The following EPS15L1 variants were observed in gnomAD, a reference collection of about 807,000 sequenced individuals.
EPS15L1 encodes epidermal growth factor receptor pathway substrate 15 like 1, also known as epidermal growth factor receptor substrate 15-like 1.
EPS15L1 carries 43 observed loss-of-function variants against 117.1 expected under a neutral mutation model. The observed-to-expected ratio is 0.37, with a 90% confidence interval of 0.29 to 0.47. The LOEUF is 0.47. Among genes scored for constraint, EPS15L1 ranks in the 20% least tolerant of loss-of-function variants. The probability of loss-of-function intolerance (pLI) is 0.99; values close to 1 mark genes in which losing one functional copy is unlikely to be tolerated. For synonymous variants in EPS15L1, 459 were observed against 470.5 expected (o/e 0.98, Z 0.32); for missense variants, 981 against 1,164.0 (o/e 0.84, Z 2.29).
rs529761129 is a variant in EPS15L1, at chr19:16,471,534, G to A, written c.33+379C>T. 1.7e-4 allele frequency among the ~76,000 whole-genome samples: 26 copies of A among 152,302 alleles called. No homozygotes were observed. In the East Asian group the frequency reaches 3.3e-3, roughly 19 times the overall value. On this transcript the variant is annotated intron_variant, in intron 1 of 23. Coordinates refer to ENST00000455140, the MANE Select transcript of EPS15L1 (RefSeq NM_001258374.3). The surrounding 1 kb of genome is among the most constrained non-coding windows in gnomAD (Gnocchi z 4.8). ...CCCGCCCGGGCGCCGGGACCGGAGG[G>A]AGACAAAGACTCGCTGGGCCGCCGC... is the stretch of plus-strand genomic sequence containing the variant.
At chr19:16,377,314 T>A in intron 21 of EPS15L1, 60 bp from the exon 22 acceptor site, 1 of 1,592,746 alleles carries the variant, frequency 6.3e-7, no homozygotes, top group Non-Finnish European at 8.6e-7. Context: ...GTGACGGATG[T>A]CCACTGAACA....
chr19:16,418,171 G>A (rs542938888), intron 10 of EPS15L1, 67 bp from the exon 11 acceptor site: 61 of 1,519,064 alleles, frequency 4.0e-5, no homozygotes, highest in South Asian at 2.0e-4. Context: ...CCAAGTCACC[G>A]ATCCCTTGCT....
intron 22 of EPS15L1, among the ~76,000 whole-genome samples, chr19:16,364,295 C>T (rs992566588): frequency 4.6e-5 from 7 of 152,222 alleles, no homozygotes; most frequent in African/African-American, 1.7e-4. Context: ...GCTGGAGACC[C>T]TTCCCTAGAG....
Position 16,404,849 on chromosome 19 carries a change from G to A in EPS15L1, c.1267-100C>T, listed in dbSNP as rs1379659665. 11 of 1,314,232 alleles carry A rather than the reference G, an allele frequency of 8.4e-6. No homozygotes were observed. Among genetic ancestry groups the A allele is most frequent in the South Asian group, 2.7e-5 (2 of 74,348 alleles). 81.4% of individuals were successfully genotyped at this position (1,314,232 alleles called of 1,614,324 possible). ...GGCCAGAAGTCCAGGGGAAGCCTCCGAAACCACCCACTGTGACCGTGCTCA... is the reference window on the plus strand; with the variant it reads ...GGCCAGAAGTCCAGGGGAAGCCTCCAAAACCACCCACTGTGACCGTGCTCA... On this transcript the variant is annotated intron_variant, in intron 13 of 23. Transcript: ENST00000455140. This position sits in a 1 kb window ranked among gnomAD's most constrained non-coding sequence, Gnocchi z 4.2.
intron 22 of EPS15L1, among the ~76,000 whole-genome samples, chr19:16,376,669 C>T (rs766357805): frequency 2.6e-5 from 4 of 152,250 alleles, no homozygotes; most frequent in African/African-American, 4.8e-5. Context: ...AGCAGCGACT[C>T]CTGCCACCCT....
intron 22 of EPS15L1, among the ~76,000 whole-genome samples, chr19:16,372,923 G>A (rs896022624): frequency 4.6e-5 from 7 of 152,210 alleles, no homozygotes; most frequent in Admixed American, 2.0e-4. Flanking sequence ...AGAAGGAAGC[G>A]GCCTCAGTTC....
At chr19:16,396,332 G>A (rs1406095425) in intron 16 of EPS15L1, among the ~76,000 whole-genome samples, 2 of 152,146 alleles carry the variant, frequency 1.3e-5, no homozygotes, top group South Asian at 4.1e-4. Context: ...CACACTCATG[G>A]GTTACTCCAG....
chr19:16,366,810 G>A lies in EPS15L1; in HGVS notation c.2381-4826C>T, dbSNP rs748803125. Among the ~76,000 whole-genome samples the A allele has an allele frequency of 5.9e-5, 9 of 152,122 alleles. No homozygotes were observed. In the East Asian group the frequency reaches 1.7e-3, roughly 29 times the overall value. On this transcript the variant is annotated intron_variant, in intron 22 of 23. Transcript: ENST00000455140. ...GCCCCCGGCATCACTGTAGGGCCAC[G>A]GCCCTCAGCCCAAACTTCCCACTTT...
chr19:16,425,013 A>G lies in EPS15L1; in HGVS notation c.792+70T>C, dbSNP rs967517154. On this transcript the variant is annotated intron_variant, in intron 9 of 23. Transcript: ENST00000455140. ...ACAAGCTTGACCGTTCTGGGGTTGC[A>G]TGTTAAGAACTCCCGAGAAACATCC... 5.4e-6 allele frequency: 7 copies of G among 1,298,388 alleles called. No individual in the cohort carries two copies. The African/African-American group carries it at 1.0e-4, about 19-fold the overall frequency. The allele number at this position is 1,298,388 out of a possible 1,614,324, so 80.4% of individuals were successfully genotyped here.
chr19:16,424,747 G>A (rs1202837248), intron 9 of EPS15L1, among the ~76,000 whole-genome samples: 2 of 151,852 alleles, frequency 1.3e-5, no homozygotes, highest in South Asian at 2.1e-4. Context: ...TGCAACCTCC[G>A]TCTCCCAGGT....
At chr19:16,453,656 T>C (rs1304447881) in intron 1 of EPS15L1, among the ~76,000 whole-genome samples, 1 of 151,192 alleles carries the variant, frequency 6.6e-6, no homozygotes, top group Non-Finnish European at 1.5e-5. Context: ...GATCTTGCAG[T>C]GAGCCGACAT....
chr19:16,383,428 G>A lies in EPS15L1; in HGVS notation c.2247+1701C>T, dbSNP rs1310561385. 2 of 152,270 alleles carry A rather than the reference G, an allele frequency of 1.3e-5. No homozygotes were observed. The highest frequency in any genetic ancestry group is 6.5e-5 in the Admixed American group (1 of 15,280). 9.4% of individuals were successfully genotyped at this position (152,270 alleles called of 1,614,324 possible). ...TGCGACAACCAGAAACGACCAGGAC[G>A]CCTGAGGGACTGCTGCCACCGTGTG... On this transcript the variant is annotated intron_variant, in intron 21 of 23. Transcript: ENST00000455140. The surrounding 1 kb of genome is among the most constrained non-coding windows in gnomAD (Gnocchi z 5.2).
At position 16,404,542 on chromosome 19, in the gene EPS15L1, C is replaced by T; in HGVS notation, c.1428+46G>A. Reference sequence around the variant, plus strand: ...GAGCTCAGGGGAGTCCTTGGGAAGCCCCTGCCTGTGCATAGGGCGCTGCCC... The same window carrying T: ...GAGCTCAGGGGAGTCCTTGGGAAGCTCCTGCCTGTGCATAGGGCGCTGCCC... On this transcript the variant is annotated intron_variant, in intron 14 of 23. Transcript: ENST00000455140. This position sits in a 1 kb window ranked among gnomAD's most constrained non-coding sequence, Gnocchi z 4.2. 1 of 1,608,120 alleles carries T rather than the reference C, an allele frequency of 6.2e-7. No individual in the cohort carries two copies. Among genetic ancestry groups the T allele is most frequent in the South Asian group, 1.1e-5 (1 of 90,914 alleles).
intron 7 of EPS15L1, among the ~76,000 whole-genome samples, chr19:16,433,962 C>CATAAATAAATAAATAAATAA (rs56900530): frequency 9.4e-5 from 14 of 148,868 alleles, no homozygotes; most frequent in Non-Finnish European, 1.8e-4. Flanking sequence ...GACTCCATCT[C>CATAAATAAATAAATAAATAA]ATAAATAAAT....
At chr19:16,442,672 T>G (rs2093044010) in intron 1 of EPS15L1, among the ~76,000 whole-genome samples, 1 of 152,244 alleles carries the variant, frequency 6.6e-6, no homozygotes, top group Non-Finnish European at 1.5e-5. Flanking sequence ...GGCCTGGGTC[T>G]GGTTCTCAAC....
intron 1 of EPS15L1, among the ~76,000 whole-genome samples, chr19:16,445,782 G>T (rs2093077221): frequency 6.6e-6 from 1 of 152,202 alleles, no homozygotes; most frequent in African/African-American, 2.4e-5. Context: ...GGCAACAGCA[G>T]AGAGGGGACG....
intron 23 of EPS15L1, chr19:16,356,648 T>C (rs1248282992): frequency 6.6e-6 from 1 of 152,214 alleles, no homozygotes; most frequent in East Asian, 1.9e-4. Flanking sequence ...ACAAAAGGTG[T>C]GGCACTTACA....
At chr19:16,426,244 G>A (rs1393715799) in intron 8 of EPS15L1, among the ~76,000 whole-genome samples, 1 of 152,226 alleles carries the variant, frequency 6.6e-6, no homozygotes, top group East Asian at 1.9e-4. Context: ...TGGGATTCCT[G>A]TCTCACAAGA....
At chr19:16,393,644 G>A (rs1444304724) in intron 18 of EPS15L1, among the ~76,000 whole-genome samples, 8 of 142,298 alleles carry the variant, frequency 5.6e-5, no homozygotes, top group African/African-American at 1.8e-4. Context: ...GCGAGACTCC[G>A]TCTCAAAAAA....
Sources: allele counts gnomAD v4.1 joint callset (sites outside exome capture counted in the v4.1 genomes callset), GRCh38; gene constraint gnomAD v4.1.1; non-coding constraint Gnocchi (gnomAD v3.1); transcripts MANE v1.5; gene names NCBI Gene and HGNC (gene_info 2026-07-23, HGNC 2026-07-21).